The following TIMM50 variants were observed in gnomAD, a reference collection of about 807,000 sequenced individuals.
TIMM50 encodes the protein translocase of inner mitochondrial membrane 50, also known as mitochondrial import inner membrane translocase subunit TIM50.
In TIMM50, 34 loss-of-function variants were observed where a neutral mutation model predicts 49.6. That is an observed-to-expected ratio of 0.69 (90% CI 0.52 to 0.91). The LOEUF (loss-of-function observed/expected upper bound fraction) is 0.91, where lower values mean the gene tolerates loss of function less well. Among genes scored for constraint, TIMM50 ranks in the 40% least tolerant of loss-of-function variants. TIMM50 has a pLI of 0.00. For synonymous variants in TIMM50, 199 were observed against 198.4 expected (o/e 1.00, Z -0.03); for missense variants, 458 against 477.8 (o/e 0.96, Z 0.39).
chr19:39,480,905 G>C lies in TIMM50; in HGVS notation c.52G>C (p.Gly18Arg), dbSNP rs772087030. The C allele has an allele frequency of 2.7e-5, 43 of 1,588,892 alleles. No individual in the cohort carries two copies. Among genetic ancestry groups the C allele is most frequent in the Non-Finnish European group, 3.3e-5 (39 of 1,174,098 alleles). Reference sequence around the variant, plus strand: ...GCGCTTGCGAAGCGGGCTCCGGCTCGGCTCGCGGGGACTGTGCACGAGGTT... The same window carrying C: ...GCGCTTGCGAAGCGGGCTCCGGCTCCGCTCGCGGGGACTGTGCACGAGGTT... ...FSRLRSGLRL[G>R]SRGLCTRLAT... The change falls in exon 1 of 11, where the codon GGC becomes CGC. Residue 18 changes from glycine (G) to arginine (R), a missense_variant. Coordinates refer to ENST00000607714, the MANE Select transcript of TIMM50 (RefSeq NM_001001563.5).
rs2079558323 is a variant in TIMM50, at chr19:39,492,966, C to G, written c.*3146C>G. The G allele has an allele frequency of 6.6e-6, 1 of 151,036 alleles. No individual in the cohort carries two copies. The highest frequency in any genetic ancestry group is 2.1e-4 in the South Asian group (1 of 4,780). 9.4% of individuals were successfully genotyped at this position (151,036 alleles called of 1,614,324 possible). A position where few individuals can be genotyped will look rare whatever the true frequency, so the allele number is the denominator to read the frequency against. ...CCACATTGCCCCCCACTATCCCAGT[C>G]TCTCCTACTCCAGCCTTCATCTAGT... On this transcript the variant is annotated 3_prime_UTR_variant, in exon 11 of 11. Coordinates refer to ENST00000607714, the MANE Select transcript of TIMM50 (RefSeq NM_001001563.5).
At chr19:39,484,337 C>T (rs1568441237) in intron 4 of TIMM50, among the ~76,000 whole-genome samples, 2 of 151,768 alleles carry the variant, frequency 1.3e-5, no homozygotes, top group African/African-American at 4.8e-5. Context: ...CTGGAAGTTA[C>T]AGGCTGCAGT....
chr19:39,481,899 G>C lies in TIMM50; in HGVS notation c.125G>C (p.Ser42Thr). 6.2e-7 allele frequency: 1 copy of C among 1,613,442 alleles called. No individual in the cohort carries two copies. The highest frequency in any genetic ancestry group is 8.5e-7 in the Non-Finnish European group (1 of 1,179,802). ...RAPDQAAEIG[S>T]RGSTKAQGPQ... ...CAACCGCAGGCCGCAGAGATCGGGA[G>C]CCGCGGGAGCACTAAGGCGCAAGGG... The change falls in exon 2 of 11, where the codon AGC becomes ACC. Residue 42 changes from serine to threonine, a missense_variant. Transcript: ENST00000607714.
At chr19:39,486,954 T>C (rs1379619935) in intron 8 of TIMM50, among the ~76,000 whole-genome samples, 1 of 152,148 alleles carries the variant, frequency 6.6e-6, no homozygotes. Flanking sequence ...TGTTGGTTTC[T>C]GTCTGTGTCG....
At chr19:39,482,315 GTCTT>G (rs2146148810) in intron 2 of TIMM50, among the ~76,000 whole-genome samples, 1 of 152,256 alleles carries the variant, frequency 6.6e-6, no homozygotes, top group Admixed American at 6.5e-5. Flanking sequence ...CCTAAACTTT[GTCTT>G]TCCTCAGCAG....
chr19:39,489,731 C>T lies in TIMM50; in HGVS notation c.973C>T (p.Arg325Cys), dbSNP rs746734633. The T allele has an allele frequency of 2.1e-5, 34 of 1,606,782 alleles. No homozygotes were observed. Among genetic ancestry groups the T allele is most frequent in the African/African-American group, 1.1e-4 (8 of 74,826 alleles). Residue 325 changes from arginine (R) to cysteine (C), a missense_variant, in exon 11 of 11, where the codon CGC becomes TGC. Arg to Cys is a radical substitution (Grantham distance 180, BLOSUM62 -3). Transcript: ENST00000607714. ...CCCCCTACCCCAGGAGGAGCAGCAG[C>T]GCCTGGCCGAGCTCTCCAAGTCCAA... ...QSRLEQEEQQ[R>C]LAELSKSNKQ...
chr19:39,486,552 G>C (rs1318887359), intron 8 of TIMM50, 57 bp downstream of exon 8: 2 of 1,492,574 alleles, frequency 1.3e-6, no homozygotes, highest in East Asian at 2.3e-5. Context: ...ACCACCTGAG[G>C]GAAGGAGGGC....
At chr19:39,484,099 C>T (rs553024795) in intron 4 of TIMM50, among the ~76,000 whole-genome samples, 13 of 152,190 alleles carry the variant, frequency 8.5e-5, no homozygotes, top group African/African-American at 2.2e-4. Context: ...GGTGGTCACT[C>T]GCCTCAGCCT....
rs1442074862 is a variant in TIMM50, at chr19:39,481,787, C to G, written c.109-96C>G. On this transcript the variant is annotated intron_variant, in intron 1 of 10. Coordinates refer to ENST00000607714, the MANE Select transcript of TIMM50 (RefSeq NM_001001563.5). ...TGTCCAGGGCTCTGTGGGTGTCTGCCTCTTGGCTCCTGAACTTGATTCTTC... is the reference window on the plus strand; with the variant it reads ...TGTCCAGGGCTCTGTGGGTGTCTGCGTCTTGGCTCCTGAACTTGATTCTTC... 9 of 1,485,926 alleles carry G rather than the reference C, an allele frequency of 6.1e-6. No individual in the cohort carries two copies. In the South Asian group the frequency reaches 8.8e-5, roughly 15 times the overall value. 92.0% of individuals were successfully genotyped at this position (1,485,926 alleles called of 1,614,324 possible).
At chr19:39,481,128 C>T (rs1419967061) in intron 1 of TIMM50, 167 bp downstream of exon 1, 1 of 907,954 alleles carries the variant, frequency 1.1e-6, no homozygotes, top group Non-Finnish European at 1.6e-6. Flanking sequence ...CTCCCCTAGG[C>T]TGGAGGCTGG....
Position 39,482,921 on chromosome 19 carries a change from G to A in TIMM50, c.291+5G>A. 1 of 1,614,136 alleles carries A rather than the reference G, an allele frequency of 6.2e-7. No individual in the cohort carries two copies. The highest frequency in any genetic ancestry group is 8.5e-7 in the Non-Finnish European group (1 of 1,180,022). ...GTGGACGAAAATGGTGCCAAGGTGAGGGGGAAAGAGACCGAGGCCTTGCCA... is the reference window on the plus strand; with the variant it reads ...GTGGACGAAAATGGTGCCAAGGTGAAGGGGAAAGAGACCGAGGCCTTGCCA... On this transcript the variant is annotated splice_donor_5th_base_variant and intron_variant, in intron 3 of 10. Transcript: ENST00000607714.
chr19:39,481,341 A>G, intron 1 of TIMM50: 2 of 317,292 alleles, frequency 6.3e-6, no homozygotes, highest in Non-Finnish European at 1.2e-5. Flanking sequence ...TTCCAATTCG[A>G]CTTGCCTCCA....
intron 2 of TIMM50, among the ~76,000 whole-genome samples, 154 bp from the exon 3 acceptor site, chr19:39,482,731 A>G (rs2079480844): frequency 6.6e-6 from 1 of 151,382 alleles, no homozygotes; most frequent in South Asian, 2.1e-4. Context: ...AGACCCAGGA[A>G]TCTTGGCTCC....
chr19:39,481,050 C>A, intron 1 of TIMM50, 89 bp downstream of exon 1: 1 of 1,422,508 alleles, frequency 7.0e-7, no homozygotes, highest in East Asian at 2.6e-5. Flanking sequence ...TCCGGGACGC[C>A]TCACCTCAGG....
chr19:39,487,957 T>C, intron 8 of TIMM50, 104 bp from the exon 9 acceptor site: 4 of 1,463,902 alleles, frequency 2.7e-6, no homozygotes, highest in Non-Finnish European at 3.6e-6. Context: ...GTGATCCCAG[T>C]ATGTGTGATG....
intron 4 of TIMM50, 51 bp from the exon 5 acceptor site, chr19:39,485,493 G>A: frequency 6.2e-7 from 1 of 1,611,442 alleles, no homozygotes. Context: ...TTGTCTGGGA[G>A]GTTGAACAGC....
intron 6 of TIMM50, 45 bp downstream of exon 6, chr19:39,485,852 T>G (rs1223219348): frequency 6.2e-7 from 1 of 1,610,646 alleles, no homozygotes; most frequent in Admixed American, 1.7e-5. Context: ...ACCTGGGCAG[T>G]GGGGTTGTGA....
Position 39,490,007 on chromosome 19 carries a change from C to G in TIMM50, c.*187C>G. ...GGGTCATCGTCCCACAGTGGCTGAT[C>G]GGCTGCCAAGCACAGTGGGGGTGCT... On this transcript the variant is annotated 3_prime_UTR_variant, in exon 11 of 11. Coordinates refer to ENST00000607714, the MANE Select transcript of TIMM50 (RefSeq NM_001001563.5). 2 of 613,164 alleles carry G rather than the reference C, an allele frequency of 3.3e-6. No homozygotes were observed. The highest frequency in any genetic ancestry group is 1.8e-5 in the African/African-American group (1 of 54,318). 38.0% of individuals were successfully genotyped at this position (613,164 alleles called of 1,614,324 possible).
intron 8 of TIMM50, 194 bp from the exon 9 acceptor site, chr19:39,487,867 C>T: frequency 4.3e-6 from 3 of 697,944 alleles, no homozygotes. Context: ...GCTGGGATTA[C>T]AGGCGTGAGC....
Sources: gnomAD v4.1 joint callset for allele counts (sites outside exome capture counted in the v4.1 genomes callset) on GRCh38, gnomAD v4.1.1 for gene constraint, MANE v1.5 for transcripts, NCBI Gene and HGNC (gene_info 2026-07-23, HGNC 2026-07-21) for gene names.